The following NRG3 variants were observed in gnomAD, a reference collection of about 807,000 sequenced individuals.
NRG3 encodes the protein pro-neuregulin-3, membrane-bound isoform.
NRG3 carries 31 observed loss-of-function variants against 66.9 expected under a neutral mutation model. The observed-to-expected ratio is 0.46, with a 90% CI of 0.35 to 0.63. The LOEUF (loss-of-function observed/expected upper bound fraction) is 0.63. Among genes scored for constraint, NRG3 ranks in the 20% least tolerant of loss-of-function variants. The probability of loss-of-function intolerance (pLI) is 0.00; values close to 1 mark genes in which losing one functional copy is unlikely to be tolerated. For missense variants in NRG3, 910 were observed against 878.9 expected (o/e 1.04, Z -0.45); for synonymous variants, 393 against 359.4 (o/e 1.09, Z -1.06).
chr10:82,492,009 A>C lies in NRG3; in HGVS notation c.953+133141A>C, dbSNP rs148050352. ...GATTAATCTCTTGTTACAACAGCAA[A>C]GTCTAGCCTCTCTAGAATTCCTTGA... On this transcript the variant is annotated intron_variant, in intron 2 of 8. Transcript: ENST00000372141. Among the ~76,000 whole-genome samples, 4 of 152,324 alleles carry C rather than the reference A, an allele frequency of 2.6e-5. No homozygotes were observed. In the East Asian group the frequency reaches 7.7e-4, roughly 29 times the overall value.
At chr10:82,023,219 C>A (rs1347148963) in intron 1 of NRG3, among the ~76,000 whole-genome samples, 1 of 151,808 alleles carries the variant, frequency 6.6e-6, no homozygotes, top group African/African-American at 2.4e-5. Context: ...TTGCATCCTG[C>A]CATTTTACTG....
Position 82,113,263 on chromosome 10 carries a change from G to T in NRG3, c.823+237100G>T, listed in dbSNP as rs992716589. On this transcript the variant is annotated intron_variant, in intron 1 of 8. Transcript: ENST00000372141. ...TTTACAGGTGAGAAAACTAAGGGCA[G>T]AAATGTCAAATTGTCCAACATCACT... is the stretch of plus-strand genomic sequence containing the variant. Among the ~76,000 whole-genome samples the T allele has an allele frequency of 5.3e-5, 8 of 152,100 alleles. No individual in the cohort carries two copies. The East Asian group carries it at 1.4e-3, about 26-fold the overall frequency.
At chr10:82,445,316 G>C (rs2090659014) in intron 2 of NRG3, among the ~76,000 whole-genome samples, 1 of 152,144 alleles carries the variant, frequency 6.6e-6, no homozygotes, top group Admixed American at 6.5e-5. Context: ...TAGAAAATTA[G>C]AGTATTGTGG....
At chr10:82,190,439 C>T (rs1037238833) in intron 1 of NRG3, among the ~76,000 whole-genome samples, 8 of 152,126 alleles carry the variant, frequency 5.3e-5, no homozygotes, top group Non-Finnish European at 7.3e-5. Flanking sequence ...GGTGTTTTAA[C>T]ATATGCAAAG....
At chr10:82,285,086 G>A (rs2079339915) in intron 1 of NRG3, among the ~76,000 whole-genome samples, 1 of 152,166 alleles carries the variant, frequency 6.6e-6, no homozygotes, top group Non-Finnish European at 1.5e-5. Context: ...CAGAAAAGGA[G>A]TTAGGGCAGT....
chr10:82,585,450 T>C (rs1391830265), intron 2 of NRG3, among the ~76,000 whole-genome samples: 1 of 152,216 alleles, frequency 6.6e-6, no homozygotes, highest in Non-Finnish European at 1.5e-5. Context: ...ACATAGACTT[T>C]TAGTTCTGGA....
At chr10:82,865,362 C>CT in intron 3 of NRG3, 49 bp from the exon 4 acceptor site, 1 of 1,604,094 alleles carries the variant, frequency 6.2e-7, no homozygotes, top group Non-Finnish European at 8.5e-7. Context: ...TTTTTCTAAC[C>CT]TTTTTCTCTT....
intron 1 of NRG3, among the ~76,000 whole-genome samples, chr10:82,343,085 T>A (rs1443908905): frequency 2.0e-5 from 3 of 152,088 alleles, no homozygotes; most frequent in Non-Finnish European, 4.4e-5. Context: ...CATAGGTATG[T>A]GGCTTTATCA....
chr10:82,415,146 A>C (rs1003010607), intron 2 of NRG3, among the ~76,000 whole-genome samples: 3 of 152,188 alleles, frequency 2.0e-5, no homozygotes, highest in African/African-American at 7.2e-5. Context: ...ACAAATAATG[A>C]GTTGCAGATA....
intron 1 of NRG3, among the ~76,000 whole-genome samples, chr10:82,100,991 A>G (rs2066695092): frequency 6.6e-6 from 1 of 151,996 alleles, no homozygotes; most frequent in Non-Finnish European, 1.5e-5. Flanking sequence ...TATTTGTTGG[A>G]AAGTTTTTAA....
At chr10:82,533,488 A>G (rs1477182377) in intron 2 of NRG3, among the ~76,000 whole-genome samples, 2 of 150,030 alleles carry the variant, frequency 1.3e-5, no homozygotes, top group African/African-American at 5.0e-5. Flanking sequence ...ATAAAGGTCC[A>G]ATTTCCTTCT....
chr10:82,464,816 G>C (rs539003506), intron 2 of NRG3, among the ~76,000 whole-genome samples: 2 of 152,192 alleles, frequency 1.3e-5, no homozygotes, highest in African/African-American at 4.8e-5. Flanking sequence ...ACAGTGCTTT[G>C]GAGTTTACAG....
chr10:82,200,557 C>T (rs574175385), intron 1 of NRG3, among the ~76,000 whole-genome samples: 1 of 152,020 alleles, frequency 6.6e-6, no homozygotes, highest in Non-Finnish European at 1.5e-5. Context: ...TTGGTGGCAT[C>T]GATGTCTAAT....
intron 5 of NRG3, among the ~76,000 whole-genome samples, chr10:82,954,536 A>C (rs1275131643): frequency 1.3e-5 from 2 of 151,950 alleles, no homozygotes; most frequent in African/African-American, 4.9e-5. Context: ...AGCCTGGGAC[A>C]CAGTTTTATT....
intron 1 of NRG3, among the ~76,000 whole-genome samples, chr10:81,949,410 A>T (rs1849133546): frequency 6.6e-6 from 1 of 152,148 alleles, no homozygotes; most frequent in Non-Finnish European, 1.5e-5. Flanking sequence ...TAGTCTGTAA[A>T]ATCTACAGTG....
chr10:82,380,232 ATTT>A (rs1223859992), intron 2 of NRG3, among the ~76,000 whole-genome samples: 1 of 151,228 alleles, frequency 6.6e-6, no homozygotes, highest in Non-Finnish European at 1.5e-5. Context: ...AATACACACT[ATTT>A]CTAACTATTT....
intron 1 of NRG3, among the ~76,000 whole-genome samples, chr10:82,176,781 C>T (rs1424515593): frequency 6.6e-6 from 1 of 151,982 alleles, no homozygotes; most frequent in African/African-American, 2.4e-5. Flanking sequence ...CAGCTGGTGG[C>T]ACTGCTACTG....
chr10:82,607,382 T>C (rs1210109305), intron 2 of NRG3, among the ~76,000 whole-genome samples: 6 of 128,548 alleles, frequency 4.7e-5, no homozygotes, highest in Non-Finnish European at 9.2e-5. Flanking sequence ...GTTGCCTTGA[T>C]TGGAAATTAA....
chr10:82,661,024 C>G (rs1425038461), intron 2 of NRG3, among the ~76,000 whole-genome samples: 3 of 152,184 alleles, frequency 2.0e-5, no homozygotes, highest in Admixed American at 6.5e-5. Flanking sequence ...AATTAAGAAC[C>G]TATTTTTCCT....
Sources: allele counts gnomAD v4.1 joint callset (sites outside exome capture counted in the v4.1 genomes callset), GRCh38; gene constraint gnomAD v4.1.1; transcripts MANE v1.5; gene names NCBI Gene and HGNC (gene_info 2026-07-23, HGNC 2026-07-21).